WDFY2: variants seen among roughly 807,000 people sequenced by gnomAD.
The protein encoded by WDFY2 is WD repeat and FYVE domain-containing protein 2.
In WDFY2, 36 loss-of-function variants were observed where a neutral mutation model predicts 56.4. The ratio of observed to expected loss-of-function variants is 0.64; its 90% CI spans 0.49 to 0.84. WDFY2 has a LOEUF of 0.84. WDFY2 is among the 40% of genes least tolerant of loss of function. WDFY2 has a pLI of 0.00. For synonymous variants in WDFY2, 176 were observed against 183.7 expected (o/e 0.96, Z 0.34); for missense variants, 444 against 512.2 (o/e 0.87, Z 1.29).
chr13:51,744,010 G>A (rs1201722310), intron 7 of WDFY2, among the ~76,000 whole-genome samples: 2 of 152,212 alleles, frequency 1.3e-5, no homozygotes, highest in Non-Finnish European at 1.5e-5. Context: ...CCAGACGGGG[G>A]TCCCTGAGTT....
At chr13:51,755,561 G>A (rs560164817) in intron 9 of WDFY2, 102 bp downstream of exon 9, 5 of 1,112,774 alleles carry the variant, frequency 4.5e-6, no homozygotes, top group Middle Eastern at 2.0e-4. Flanking sequence ...TGTGGTGAGG[G>A]TAAATTATTA....
chr13:51,759,774 T>C lies in WDFY2; in HGVS notation c.*5T>C. The C allele has an allele frequency of 6.2e-7, 1 of 1,613,762 alleles. No individual in the cohort carries two copies. The highest frequency in any genetic ancestry group is 1.1e-5 in the South Asian group (1 of 91,028). On this transcript the variant is annotated 3_prime_UTR_variant, in exon 12 of 12. Coordinates refer to ENST00000298125, the MANE Select transcript of WDFY2 (RefSeq NM_052950.4). ...ATGACCCCAGTCGTGTCTTGATGAC[T>C]CTCCCAGGAATCAGAAAGATAGTAT...
At chr13:51,714,643 A>T (rs1952303386) in intron 4 of WDFY2, among the ~76,000 whole-genome samples, 1 of 152,188 alleles carries the variant, frequency 6.6e-6, no homozygotes, top group Non-Finnish European at 1.5e-5. Flanking sequence ...AGCCACTTTG[A>T]AAAACAGTTT....
At chr13:51,589,057 G>A (rs192496835) in intron 1 of WDFY2, 4 of 152,314 alleles carry the variant, frequency 2.6e-5, no homozygotes, top group African/African-American at 9.6e-5. Flanking sequence ...TGAGGGCAGA[G>A]CACAAGCAAT....
At chr13:51,668,335 T>A (rs1050431819) in intron 2 of WDFY2, among the ~76,000 whole-genome samples, 2 of 152,218 alleles carry the variant, frequency 1.3e-5, no homozygotes, top group Non-Finnish European at 2.9e-5. Context: ...GTTAGATCAC[T>A]TTAGTGTAAC....
chr13:51,765,708 A>T lies in WDFY2; in HGVS notation c.*5939A>T, dbSNP rs979116432. The T allele has an allele frequency of 1.3e-5, 2 of 152,152 alleles. No homozygotes were observed. Among genetic ancestry groups the T allele is most frequent in the Admixed American group, 1.3e-4 (2 of 15,280 alleles). The allele number at this position is 152,152 out of a possible 1,614,324, so 9.4% of individuals were successfully genotyped here. A position where few individuals can be genotyped will look rare whatever the true frequency, so the allele number is the denominator to read the frequency against. On this transcript the variant is annotated 3_prime_UTR_variant, in exon 12 of 12. Transcript: ENST00000298125. The stretch of plus-strand genomic sequence containing the variant: ...TCATATCAAGTGAGTTGCTTTCTGG[A>T]CTTTTTCCATCTAGAGCCTGCTAGG...
intron 1 of WDFY2, among the ~76,000 whole-genome samples, chr13:51,600,816 T>C (rs1255369408): frequency 6.6e-6 from 1 of 152,208 alleles, no homozygotes; most frequent in African/African-American, 2.4e-5. Flanking sequence ...GCCCTTTTCG[T>C]TGGTCATTGC....
rs1952097839 is a variant in WDFY2 at position 51,707,053 on chromosome 13, A to AT, written c.334+3404dup. 2.6e-5 allele frequency among the ~76,000 whole-genome samples: 4 copies of AT among 152,260 alleles called. No homozygotes were observed. In the South Asian group the frequency reaches 8.3e-4, roughly 31 times the overall value. On this transcript the variant is annotated intron_variant, in intron 4 of 11. Coordinates refer to ENST00000298125, the MANE Select transcript of WDFY2 (RefSeq NM_052950.4). ...CCAAATAGAACTTTTAGATAGGAAA[A>AT]TATAGTCATTGAAATAAAAAATCAG...
chr13:51,756,619 AG>A (rs1953391290), intron 10 of WDFY2, 157 bp downstream of exon 10: 8 of 985,382 alleles, frequency 8.1e-6, no homozygotes, highest in Non-Finnish European at 9.6e-6. Context: ...TGCCACCAAG[AG>A]ATTTGTGGTA....
intron 5 of WDFY2, among the ~76,000 whole-genome samples, chr13:51,724,123 A>C (rs1240913760): frequency 6.6e-6 from 1 of 151,572 alleles, no homozygotes; most frequent in African/African-American, 2.4e-5. Context: ...TTAAATAATA[A>C]TATGTTCAGT....
intron 7 of WDFY2, among the ~76,000 whole-genome samples, chr13:51,743,917 A>G (rs1321324643): frequency 6.6e-6 from 1 of 152,228 alleles, no homozygotes; most frequent in African/African-American, 2.4e-5. Flanking sequence ...AGGAAATACA[A>G]GTGGACAGAG....
intron 3 of WDFY2, among the ~76,000 whole-genome samples, chr13:51,678,260 G>A (rs1396642528): frequency 6.6e-6 from 1 of 152,142 alleles, no homozygotes; most frequent in Non-Finnish European, 1.5e-5. Context: ...AAACCGCTGG[G>A]TGTTGAAGAG....
At chr13:51,651,621 G>A (rs1004070715) in intron 1 of WDFY2, among the ~76,000 whole-genome samples, 1 of 152,156 alleles carries the variant, frequency 6.6e-6, no homozygotes, top group Non-Finnish European at 1.5e-5. Flanking sequence ...TTGTGTCTTT[G>A]TTCTTGTTGG....
chr13:51,590,090 C>T (rs907924865), intron 1 of WDFY2: 1 of 152,140 alleles, frequency 6.6e-6, no homozygotes, highest in Non-Finnish European at 1.5e-5. Context: ...TTCTGAATTT[C>T]CTGTTTTTAT....
intron 3 of WDFY2, among the ~76,000 whole-genome samples, chr13:51,702,650 C>G (rs1188921514): frequency 6.6e-6 from 1 of 152,120 alleles, no homozygotes; most frequent in South Asian, 2.1e-4. Flanking sequence ...CAGGAAGACC[C>G]GGATAGCAAG....
chr13:51,638,404 A>G (rs934767069), intron 1 of WDFY2, among the ~76,000 whole-genome samples: 5 of 152,156 alleles, frequency 3.3e-5, no homozygotes, highest in African/African-American at 1.2e-4. Context: ...TGAGCAACAT[A>G]TTGGATGGAA....
chr13:51,755,274 G>C (rs1953341698), intron 8 of WDFY2, 84 bp from the exon 9 acceptor site: 1 of 1,253,324 alleles, frequency 8.0e-7, no homozygotes, highest in Non-Finnish European at 1.2e-6. Flanking sequence ...CATCCTGATA[G>C]CTCCATAAGT....
In WDFY2 at chr13:51,660,626, T is replaced by C. The variant is rs1245852011; in HGVS notation, c.168T>C (p.Ser56=). Residue 56 remains serine (S), a synonymous_variant, in exon 2 of 12, where the codon AGT becomes AGC. Transcript: ENST00000298125. The part of the protein sequence containing the change: ...RTVRVWLKRD[S]GQYWPSVYHA... ...TTCGTGTTTGGTTAAAGAGAGACAG[T>C]GGACAGTATTGGCCAAGCGTATACC... The C allele has an allele frequency of 1.2e-6, 2 of 1,614,074 alleles. No homozygotes were observed. Among genetic ancestry groups the C allele is most frequent in the South Asian group, 2.2e-5 (2 of 91,080 alleles).
intron 1 of WDFY2, among the ~76,000 whole-genome samples, chr13:51,621,440 G>A (rs1042100253): frequency 2.0e-5 from 3 of 152,192 alleles, no homozygotes; most frequent in African/African-American, 7.2e-5. Flanking sequence ...GGGAGGCGGA[G>A]TTTGCAGTGA....
Sources: allele counts gnomAD v4.1 joint callset (sites outside exome capture counted in the v4.1 genomes callset), GRCh38; gene constraint gnomAD v4.1.1; transcripts MANE v1.5; gene names NCBI Gene and HGNC (gene_info 2026-07-23, HGNC 2026-07-21).